The following CAPN1 variants were observed in gnomAD, a reference collection of about 807,000 sequenced individuals.
CAPN1 encodes calpain 1, also known as calpain-1 catalytic subunit.
CAPN1 carries 77 observed loss-of-function variants against 105.2 expected under a neutral mutation model. The observed-to-expected ratio is 0.73, with a 90% CI of 0.61 to 0.88. CAPN1 has a LOEUF of 0.88. Among genes scored for constraint, CAPN1 ranks in the 40% least tolerant of loss-of-function variants. The pLI is 0.00. For synonymous variants in CAPN1, 355 were observed against 388.8 expected, an observed-to-expected ratio of 0.91 and a Z score of 1.02; for missense variants, 833 against 976.6, an observed-to-expected ratio of 0.85 and a Z score of 1.96.
At chr11:65,193,461 C>T (rs1948747096) in intron 10 of CAPN1, among the ~76,000 whole-genome samples, 1 of 151,400 alleles carries the variant, frequency 6.6e-6, no homozygotes, top group African/African-American at 2.4e-5. Context: ...CTGGCCAACA[C>T]AGTGAAACCC....
chr11:65,206,188 G>A, intron 12 of CAPN1: 1 of 568,308 alleles, frequency 1.8e-6, no homozygotes, highest in South Asian at 2.1e-5. Flanking sequence ...AAAGCTCCCA[G>A]TGATAATAAT....
chr11:65,192,374 G>A (rs1209185852), intron 10 of CAPN1, among the ~76,000 whole-genome samples: 1 of 152,186 alleles, frequency 6.6e-6, no homozygotes, highest in Non-Finnish European at 1.5e-5. Flanking sequence ...TGGTATCAGT[G>A]CTATGTTCTT....
intron 10 of CAPN1, among the ~76,000 whole-genome samples, chr11:65,197,605 C>T (rs919499647): frequency 6.6e-6 from 1 of 152,082 alleles, no homozygotes; most frequent in Non-Finnish European, 1.5e-5. Flanking sequence ...ATTTTGTCCA[C>T]GCTGGGCACA....
At position 65,205,153 on chromosome 11, in the gene CAPN1, A is replaced by G. The variant is rs149109999; in HGVS notation, c.1341+295A>G. ...TGCTCTTGGAGGAGGGAGCTGGCTC[A>G]GCTGATGCCTGGGAGTACTGAGCCC... On this transcript the variant is annotated intron_variant, in intron 11 of 21. Transcript: ENST00000279247. 9.1e-4 allele frequency among the ~76,000 whole-genome samples: 138 copies of G among 152,330 alleles called. No individual in the cohort carries two copies. The East Asian group carries it at 0.025, about 28-fold the overall frequency.
chr11:65,206,007 G>T (rs1234672388), intron 12 of CAPN1: 1 of 542,668 alleles, frequency 1.8e-6, no homozygotes, highest in African/African-American at 1.9e-5. Context: ...CACCAAGTAA[G>T]TGCCAACTAG....
chr11:65,200,190 C>T (rs1214537059), intron 10 of CAPN1, among the ~76,000 whole-genome samples: 3 of 152,022 alleles, frequency 2.0e-5, no homozygotes, highest in Non-Finnish European at 4.4e-5. Flanking sequence ...GCTGGGACTA[C>T]AGGCACACAC....
At chr11:65,201,288 T>C (rs1948865736) in intron 10 of CAPN1, among the ~76,000 whole-genome samples, 1 of 150,072 alleles carries the variant, frequency 6.7e-6, no homozygotes, top group Non-Finnish European at 1.5e-5. Flanking sequence ...GGTCTCCCTA[T>C]GTTGCCCAGG....
rs1033617713 is a variant in CAPN1, at chr11:65,210,102, A to G, written c.1942+6A>G. On this transcript the variant is annotated splice_donor_region_variant and intron_variant, in intron 19 of 21. Transcript: ENST00000279247. This position sits in a 1 kb window ranked among gnomAD's most constrained non-coding sequence, Gnocchi z 4.3. ...GATGGCCATTGAGTCGGCAGGTGAG[A>G]CTCCAAGGCTGACGGCACCTGTGGG... 1.2e-6 allele frequency: 2 copies of G among 1,608,738 alleles called. No homozygotes were observed. Among genetic ancestry groups the G allele is most frequent in the Admixed American group, 3.4e-5 (2 of 59,498 alleles).
At position 65,188,186 on chromosome 11, in the gene CAPN1, C is replaced by T. The variant is rs541030450; in HGVS notation, c.929+146C>T. 5 of 710,860 alleles carry T rather than the reference C, an allele frequency of 7.0e-6. No individual in the cohort carries two copies. In the South Asian group the frequency reaches 9.4e-5, roughly 13 times the overall value. 44.0% of individuals were successfully genotyped at this position (710,860 alleles called of 1,614,324 possible). ...GCGCGACTGGGTCTGGGGGACTGCT[C>T]TGACAAAGCTCAGGCCGTGCGGGCC... On this transcript the variant is annotated intron_variant, in intron 8 of 21. Coordinates refer to ENST00000279247, the MANE Select transcript of CAPN1 (RefSeq NM_005186.4). This position sits in a 1 kb window ranked among gnomAD's most constrained non-coding sequence, Gnocchi z 5.5.
chr11:65,190,713 T>TG (rs1948707564), intron 10 of CAPN1, among the ~76,000 whole-genome samples: 1 of 64,796 alleles, frequency 1.5e-5, no homozygotes, highest in Non-Finnish European at 4.7e-5. Context: ...GTTTTTTTTG[T>TG]TTTTGTTTTT....
intron 11 of CAPN1, among the ~76,000 whole-genome samples, 162 bp downstream of exon 11, chr11:65,205,020 C>G (rs187303786): frequency 1.1e-3 from 172 of 152,348 alleles, no homozygotes; most frequent in African/African-American, 4.0e-3. Context: ...TGGGAAATCT[C>G]AGCCTCCAGG....
At chr11:65,184,293 G>C (rs1306491048) in intron 4 of CAPN1, among the ~76,000 whole-genome samples, 2 of 152,084 alleles carry the variant, frequency 1.3e-5, no homozygotes, top group African/African-American at 4.8e-5. Context: ...AACCCAGGGT[G>C]CGGAACCCAC....
At chr11:65,205,838 GCTTGAAAAATGCTTCTC>G (rs541202792) in intron 12 of CAPN1, 117 bp downstream of exon 12, 122 of 941,676 alleles carry the variant, frequency 1.3e-4, no homozygotes, top group Non-Finnish European at 1.8e-4. Context: ...TTGTTTCACT[GCTTGAAAAATGCTTCTC>G]CCCACCTGTT....
chr11:65,191,287 T>C (rs1948715662), intron 10 of CAPN1, among the ~76,000 whole-genome samples: 1 of 152,236 alleles, frequency 6.6e-6, no homozygotes, highest in South Asian at 2.1e-4. Flanking sequence ...TTTGTTTCTA[T>C]TATAAATAGT....
chr11:65,190,679 T>C (rs1187265358), intron 10 of CAPN1, among the ~76,000 whole-genome samples: 1 of 151,972 alleles, frequency 6.6e-6, no homozygotes, highest in African/African-American at 2.4e-5. Context: ...TTCAAGAGTC[T>C]CTTAGCTGTT....
At chr11:65,183,421 C>G in intron 3 of CAPN1, 53 bp from the exon 4 acceptor site, 1 of 1,402,618 alleles carries the variant, frequency 7.1e-7, no homozygotes, top group Non-Finnish European at 1.0e-6. Flanking sequence ...CACCCGCTTC[C>G]CCCCCCGGGG....
Position 65,182,864 on chromosome 11 carries a change from C to G in CAPN1, c.163C>G (p.Leu55Val), listed in dbSNP as rs773586585. ...GGTGCGATGCCTGCAGAGTGGGACC[C>G]TCTTCCGTGATGAGGCCTTCCCCCC... The part of the protein sequence containing the change: ...LRVRCLQSGT[L>V]FRDEAFPPVP... Residue 55 changes from leucine (L) to valine (V), a missense_variant, in exon 2 of 22, where the codon CTC becomes GTC. Leu to Val is a conservative substitution (Grantham distance 32). Transcript: ENST00000279247. 114 of 1,601,666 alleles carry G rather than the reference C, an allele frequency of 7.1e-5. No homozygotes were observed. Among genetic ancestry groups the G allele is most frequent in the Non-Finnish European group, 9.6e-5 (113 of 1,174,480 alleles).
At chr11:65,187,426 C>G in intron 7 of CAPN1, 128 bp downstream of exon 7, 1 of 667,326 alleles carries the variant, frequency 1.5e-6, no homozygotes, top group Non-Finnish European at 2.7e-6. Context: ...AGCACCTTAT[C>G]TCTCTTCTGG....
chr11:65,204,258 G>A (rs565991124), intron 10 of CAPN1, among the ~76,000 whole-genome samples: 1 of 152,288 alleles, frequency 6.6e-6, no homozygotes, highest in African/African-American at 2.4e-5. Flanking sequence ...GCCTCCCTGG[G>A]TCTCCGTGTT....
Sources: allele counts gnomAD v4.1 joint callset (sites outside exome capture counted in the v4.1 genomes callset), GRCh38; gene constraint gnomAD v4.1.1; non-coding constraint Gnocchi (gnomAD v3.1); transcripts MANE v1.5; gene names NCBI Gene and HGNC (gene_info 2026-07-23, HGNC 2026-07-21).